Variants in XYLT1 observed in about 807,000 individuals in gnomAD.
XYLT1 encodes the protein beta-D-xylosyltransferase 1.
Under a neutral mutation model 91.3 loss-of-function variants are expected in XYLT1, and 36 were observed. The ratio of observed to expected loss-of-function variants is 0.39; its 90% CI spans 0.30 to 0.52. The LOEUF (loss-of-function observed/expected upper bound fraction) is 0.52. Ranked by LOEUF, XYLT1 falls within the 20% of genes least tolerant of loss-of-function variation. XYLT1 has a pLI of 0.68. For synonymous variants in XYLT1, 588 were observed against 532.0 expected, an observed-to-expected ratio of 1.11 and a Z score of -1.45; for missense variants, 1,242 against 1,284.5, an observed-to-expected ratio of 0.97 and a Z score of 0.51.
At chr16:17,215,681 G>C (rs1463009480) in intron 3 of XYLT1, among the ~76,000 whole-genome samples, 1 of 152,152 alleles carries the variant, frequency 6.6e-6, no homozygotes, top group Admixed American at 6.5e-5. Flanking sequence ...TTGACAGGTT[G>C]AGTGAGGAGT....
chr16:17,182,605 G>A (rs72777733), intron 5 of XYLT1, among the ~76,000 whole-genome samples: 13,925 of 148,716 alleles, frequency 0.094, 707 homozygotes, highest in Middle Eastern at 0.13. Flanking sequence ...CTTCTACATC[G>A]TAGTGGAATG....
intron 10 of XYLT1, among the ~76,000 whole-genome samples, chr16:17,123,701 G>C (rs1172609280): frequency 6.6e-6 from 1 of 152,122 alleles, no homozygotes; most frequent in Non-Finnish European, 1.5e-5. Context: ...TTGTTGTAGG[G>C]TATAGCATAA....
chr16:17,385,252 A>T (rs2035732535), intron 1 of XYLT1, among the ~76,000 whole-genome samples: 1 of 110,430 alleles, frequency 9.1e-6, no homozygotes, highest in Admixed American at 1.0e-4. Context: ...CATCCCCATA[A>T]CACACATAAA....
At chr16:17,306,078 G>C (rs1191355645) in intron 2 of XYLT1, among the ~76,000 whole-genome samples, 1 of 152,126 alleles carries the variant, frequency 6.6e-6, no homozygotes, top group Non-Finnish European at 1.5e-5. Context: ...CCAACCCAGA[G>C]AGCCTCTGGG....
At chr16:17,150,227 C>T (rs2031248446) in intron 6 of XYLT1, among the ~76,000 whole-genome samples, 1 of 152,168 alleles carries the variant, frequency 6.6e-6, no homozygotes, top group Non-Finnish European at 1.5e-5. Context: ...CCTCAGGGCC[C>T]CTGCTAGCCA....
intron 1 of XYLT1, among the ~76,000 whole-genome samples, chr16:17,442,419 T>C (rs1488247248): frequency 1.3e-5 from 2 of 152,018 alleles, no homozygotes; most frequent in Non-Finnish European, 2.9e-5. Context: ...GATGGTTAAT[T>C]TTAGGTGTCA....
intron 2 of XYLT1, among the ~76,000 whole-genome samples, chr16:17,271,190 G>A (rs72779617): frequency 0.029 from 4,359 of 151,826 alleles, 89 homozygotes; most frequent in Middle Eastern, 0.051. Context: ...TAAGTGTCCC[G>A]AAGGCTGGCC....
chr16:17,413,590 A>C (rs2036141592), intron 1 of XYLT1, among the ~76,000 whole-genome samples: 1 of 151,952 alleles, frequency 6.6e-6, no homozygotes, highest in Non-Finnish European at 1.5e-5. Context: ...GGTGCTCACC[A>C]CCATGCCTGG....
chr16:17,165,531 A>G (rs1421954349), intron 5 of XYLT1, among the ~76,000 whole-genome samples: 1 of 55,182 alleles, frequency 1.8e-5, no homozygotes, highest in East Asian at 3.6e-4. Context: ...CTAAAAATAC[A>G]AAAAAAAAAA....
At chr16:17,382,337 A>G (rs67645629) in intron 1 of XYLT1, among the ~76,000 whole-genome samples, 46,454 of 151,682 alleles carry the variant, frequency 0.31, 7,793 homozygotes, top group Non-Finnish European at 0.38. Context: ...CTGCCCCATA[A>G]AACTTTCTGT....
intron 5 of XYLT1, among the ~76,000 whole-genome samples, chr16:17,164,068 A>AAAAAAAAAAAAAAAAC (rs2031622109): frequency 7.0e-6 from 1 of 143,694 alleles, no homozygotes; most frequent in Non-Finnish European, 1.5e-5. Flanking sequence ...AAAAAAAAAA[A>AAAAAAAAAAAAAAAAC]AGAAAGACTA....
chr16:17,394,082 T>C (rs1024267862), intron 1 of XYLT1, among the ~76,000 whole-genome samples: 1 of 152,072 alleles, frequency 6.6e-6, no homozygotes, highest in African/African-American at 2.4e-5. Flanking sequence ...GCCAATTGAT[T>C]TTTTTTTAAA....
intron 2 of XYLT1, among the ~76,000 whole-genome samples, chr16:17,282,736 A>G (rs2034076305): frequency 6.6e-6 from 1 of 152,264 alleles, no homozygotes; most frequent in Admixed American, 6.5e-5. Context: ...GAGCTATTTT[A>G]GGGACGAAGT....
At chr16:17,303,884 C>A (rs2034433814) in intron 2 of XYLT1, among the ~76,000 whole-genome samples, 1 of 152,086 alleles carries the variant, frequency 6.6e-6, no homozygotes. Context: ...CTTATAAACA[C>A]TGTGTACATA....
chr16:17,340,003 A>G (rs1185974824), intron 2 of XYLT1, among the ~76,000 whole-genome samples: 1 of 150,816 alleles, frequency 6.6e-6, no homozygotes, highest in African/African-American at 2.4e-5. Flanking sequence ...CCATCCCTCT[A>G]TCCATCCACC....
chr16:17,128,935 C>T (rs114971065), intron 9 of XYLT1, among the ~76,000 whole-genome samples: 6 of 152,268 alleles, frequency 3.9e-5, no homozygotes, highest in African/African-American at 9.6e-5. Context: ...CTCAGCTAAA[C>T]GCAGCCTTCC....
chr16:17,190,705 T>C (rs951172844), intron 5 of XYLT1, among the ~76,000 whole-genome samples: 4 of 152,176 alleles, frequency 2.6e-5, no homozygotes, highest in African/African-American at 4.8e-5. Context: ...TGATGGACAT[T>C]TGGATTGGTT....
At chr16:17,400,631 G>GGAAC (rs1167175155) in intron 1 of XYLT1, among the ~76,000 whole-genome samples, 2 of 63,816 alleles carry the variant, frequency 3.1e-5, no homozygotes, top group African/African-American at 1.8e-4. Flanking sequence ...GAGGAAGGGA[G>GGAAC]GAAGGAAGGA....
At chr16:17,316,609 T>G (rs1271996089) in intron 2 of XYLT1, among the ~76,000 whole-genome samples, 3 of 151,660 alleles carry the variant, frequency 2.0e-5, no homozygotes, top group Non-Finnish European at 2.9e-5. Flanking sequence ...GTTGTCCAGG[T>G]TGGTCTTGAA....
Sources: gnomAD v4.1 joint callset for allele counts (sites outside exome capture counted in the v4.1 genomes callset) on GRCh38, gnomAD v4.1.1 for gene constraint, MANE v1.5 for transcripts, NCBI Gene and HGNC (gene_info 2026-07-23, HGNC 2026-07-21) for gene names.